The following MYBPC1 variants were observed in gnomAD, a reference collection of about 807,000 sequenced individuals.
MYBPC1 encodes the protein myosin binding protein C1.
Under a neutral mutation model 147.1 loss-of-function variants are expected in MYBPC1, and 52 were observed. The observed-to-expected ratio is 0.35, with a 90% CI of 0.28 to 0.45. MYBPC1 has a LOEUF of 0.45. MYBPC1 is among the 20% of genes least tolerant of loss of function. The pLI, the probability that MYBPC1 is intolerant of heterozygous loss-of-function variation, is 1.00. For synonymous variants in MYBPC1, 477 were observed against 475.9 expected (o/e 1.00, Z -0.03); for missense variants, 1,228 against 1,440.3 (o/e 0.85, Z 2.39).
chr12:101,651,343 T>C lies in MYBPC1; in HGVS notation c.1476T>C (p.Asn492=). Residue 492 remains asparagine (N), a synonymous_variant, in exon 16 of 32, where the codon AAT becomes AAC. Transcript: ENST00000361466. ...SENIPGKWTK[N]GLPVQESDRL... is the part of the protein sequence containing the mutation. ...ACATACCAGGAAAATGGACTAAAAATGGCCTACCTGTTCAGGAGAGTGACC... is the reference window on the plus strand; with the variant it reads ...ACATACCAGGAAAATGGACTAAAAACGGCCTACCTGTTCAGGAGAGTGACC... 1 of 1,614,138 alleles carries C rather than the reference T, an allele frequency of 6.2e-7. No individual in the cohort carries two copies. Among genetic ancestry groups the C allele is most frequent in the African/African-American group, 1.3e-5 (1 of 75,034 alleles).
downstream of MYBPC1, among the ~76,000 whole-genome samples, chr12:101,688,753 G>A (rs1018768200): frequency 6.6e-6 from 1 of 152,030 alleles, no homozygotes; most frequent in Non-Finnish European, 1.5e-5. Context: ...TTGAGTGCAG[G>A]AGTTCAAGGC....
intron 1 of MYBPC1, among the ~76,000 whole-genome samples, chr12:101,601,581 G>A (rs1225981613): frequency 6.6e-6 from 1 of 152,176 alleles, no homozygotes; most frequent in Non-Finnish European, 1.5e-5. Context: ...CTTTCATTAT[G>A]CCTTTCAAGT....
At chr12:101,693,404 G>A in the MYBPC1 span, among the ~76,000 whole-genome samples, 2 of 152,148 alleles carry the variant, frequency 1.3e-5, no homozygotes, top group Non-Finnish European at 2.9e-5. Context: ...GAGACAGCTT[G>A]ATGGCCCCCC....
intron 1 of MYBPC1, among the ~76,000 whole-genome samples, chr12:101,600,995 G>A (rs554514142): frequency 6.6e-6 from 1 of 152,278 alleles, no homozygotes; most frequent in Non-Finnish European, 1.5e-5. Context: ...TCCATGGTTT[G>A]TTCAAAGTAC....
At chr12:101,652,999 A>G in intron 17 of MYBPC1, 116 bp from the exon 18 acceptor site, 1 of 1,389,942 alleles carries the variant, frequency 7.2e-7, no homozygotes, top group Non-Finnish European at 1.0e-6. Flanking sequence ...GACTCCTCTT[A>G]TATTCTTTTT....
chr12:101,644,453 CAT>C (rs1376524993), intron 11 of MYBPC1, among the ~76,000 whole-genome samples: 1 of 152,206 alleles, frequency 6.6e-6, no homozygotes, highest in African/African-American at 2.4e-5. Context: ...CTTCTAGAAA[CAT>C]GTGGATTCTC....
intron 18 of MYBPC1, among the ~76,000 whole-genome samples, chr12:101,657,694 A>C (rs1345369800): frequency 6.6e-6 from 1 of 152,238 alleles, no homozygotes; most frequent in African/African-American, 2.4e-5. Flanking sequence ...AATTGAATCA[A>C]TAATTAATAA....
chr12:101,675,808 C>G (rs1203717024), intron 26 of MYBPC1, among the ~76,000 whole-genome samples: 1 of 152,204 alleles, frequency 6.6e-6, no homozygotes, highest in Non-Finnish European at 1.5e-5. Context: ...TTGCTCAAGA[C>G]TTTGACTCAG....
intron 1 of MYBPC1, among the ~76,000 whole-genome samples, chr12:101,605,828 C>T (rs1322404515): frequency 3.3e-5 from 5 of 152,008 alleles, no homozygotes; most frequent in Non-Finnish European, 7.4e-5. Context: ...TGCCATTGCC[C>T]TCCAGCCTGG....
At chr12:101,693,322 T>G in the MYBPC1 span, among the ~76,000 whole-genome samples, 1 of 152,196 alleles carries the variant, frequency 6.6e-6, no homozygotes, top group Admixed American at 6.5e-5. Flanking sequence ...TATGTAGATA[T>G]ATAGTTACAT....
rs908789087 is a variant in MYBPC1, at chr12:101,684,425, G to A, written c.*19+1G>A. On this transcript the variant is annotated splice_donor_variant, in intron 31 of 31. Transcript: ENST00000361466. LOFTEE classifies it low-confidence loss of function (3UTR_SPLICE). ...TTTTGAATGTATAATATCATCTAAG[G>A]TAAGCTTTCATATGGTTTTGGCATA... is the stretch of plus-strand genomic sequence containing the variant. 6.3e-6 allele frequency: 10 copies of A among 1,582,004 alleles called. No individual in the cohort carries two copies. Among genetic ancestry groups the A allele is most frequent in the Non-Finnish European group, 8.6e-6 (10 of 1,159,130 alleles).
chr12:101,674,530 A>G (rs1899444650), intron 25 of MYBPC1, among the ~76,000 whole-genome samples: 1 of 152,138 alleles, frequency 6.6e-6, no homozygotes, highest in South Asian at 2.1e-4. Context: ...CCTTGTGGAT[A>G]GACTCCTCTC....
chr12:101,685,809 G>GACA lies in MYBPC1; in HGVS notation c.*248_*249insCAA. The GACA allele has an allele frequency of 7.0e-6, 2 of 287,526 alleles. No individual in the cohort carries two copies. The highest frequency in any genetic ancestry group is 1.7e-4 in the East Asian group (2 of 11,768). 17.8% of individuals were successfully genotyped at this position (287,526 alleles called of 1,614,324 possible). A position where few individuals can be genotyped will look rare whatever the true frequency, so the allele number is the denominator to read the frequency against. On this transcript the variant is annotated 3_prime_UTR_variant, in exon 32 of 32. Coordinates refer to ENST00000361466, the MANE Select transcript of MYBPC1 (RefSeq NM_002465.4). ...CTTTTTCTTTCCTCCTAATGTTGAA[G>GACA]AGAAAAAAAAAAAAAAAAGTTTGCC...
At chr12:101,618,649 A>C (rs1043487596) in intron 3 of MYBPC1, among the ~76,000 whole-genome samples, 7 of 152,204 alleles carry the variant, frequency 4.6e-5, no homozygotes, top group African/African-American at 1.4e-4. Flanking sequence ...TCACCATATT[A>C]TACTTGTATG....
chr12:101,644,614 AGC>A (rs1593858867), intron 11 of MYBPC1, 48 bp from the exon 12 acceptor site: 1 of 1,522,636 alleles, frequency 6.6e-7, no homozygotes. Flanking sequence ...TTAAATTCAT[AGC>A]ATATGTATAC....
At chr12:101,632,274 C>T in intron 8 of MYBPC1, 136 bp downstream of exon 8, 1 of 722,408 alleles carries the variant, frequency 1.4e-6, no homozygotes, top group South Asian at 1.6e-5. Flanking sequence ...GTGGTAGTCT[C>T]AGCAAGCTTG....
At chr12:101,610,542 T>C (rs976554990) in intron 1 of MYBPC1, among the ~76,000 whole-genome samples, 3 of 152,202 alleles carry the variant, frequency 2.0e-5, no homozygotes, top group African/African-American at 7.2e-5. Flanking sequence ...GTAAAAATGA[T>C]GATCATAATG....
At chr12:101,602,435 T>C (rs570252975) in intron 1 of MYBPC1, among the ~76,000 whole-genome samples, 1 of 152,336 alleles carries the variant, frequency 6.6e-6, no homozygotes, top group Non-Finnish European at 1.5e-5. Context: ...CAGGCTGGTC[T>C]CAAACTCCTG....
intron 11 of MYBPC1, among the ~76,000 whole-genome samples, chr12:101,644,167 G>T (rs1463479654): frequency 6.6e-6 from 1 of 152,116 alleles, no homozygotes; most frequent in East Asian, 1.9e-4. Context: ...CTCCCGAGTA[G>T]CTGGGATTAC....
Sources: allele counts gnomAD v4.1 joint callset (sites outside exome capture counted in the v4.1 genomes callset), GRCh38; gene constraint gnomAD v4.1.1; transcripts MANE v1.5; gene names NCBI Gene and HGNC (gene_info 2026-07-23, HGNC 2026-07-21).